Variants in ABLIM3 observed in about 807,000 individuals in gnomAD.
ABLIM3 encodes actin binding LIM protein family member 3.
In ABLIM3, 61 loss-of-function variants were observed where a neutral mutation model predicts 109.5. That is an observed-to-expected ratio of 0.56 (90% CI 0.45 to 0.69). The LOEUF is 0.69. ABLIM3 is among the 30% of genes least tolerant of loss of function. The pLI is 0.00. For missense variants in ABLIM3, 796 were observed against 889.5 expected, an observed-to-expected ratio of 0.89 and a Z score of 1.34; for synonymous variants, 300 against 324.8, an observed-to-expected ratio of 0.92 and a Z score of 0.82.
At chr5:149,244,268 A>C (rs1458001232) in intron 15 of ABLIM3, 1 of 153,178 alleles carries the variant, frequency 6.5e-6, no homozygotes, top group Non-Finnish European at 1.5e-5. Flanking sequence ...CGATTCTGAC[A>C]CTTACAGATG....
At chr5:149,166,525 T>C (rs1185705806) in intron 2 of ABLIM3, among the ~76,000 whole-genome samples, 1 of 152,342 alleles carries the variant, frequency 6.6e-6, no homozygotes, top group South Asian at 2.1e-4. Flanking sequence ...CCCAGTATGT[T>C]AGAGAATTAG....
Position 149,182,775 on chromosome 5 carries a change from T to C in ABLIM3, c.14-677T>C, listed in dbSNP as rs748747367. 2.6e-5 allele frequency among the ~76,000 whole-genome samples: 4 copies of C among 152,212 alleles called. No homozygotes were observed. In the South Asian group the frequency reaches 6.2e-4, roughly 24 times the overall value. On this transcript the variant is annotated intron_variant, in intron 2 of 23. Coordinates refer to ENST00000309868, the MANE Select transcript of ABLIM3 (RefSeq NM_014945.5). ...TGCAGCTCCCAGTGACTTCAACCCT[T>C]TCATAATCTCCACCAGCATTTTTTT...
At chr5:149,233,147 G>A (rs1762024307) in intron 9 of ABLIM3, 82 bp from the exon 10 acceptor site, 2 of 1,170,036 alleles carry the variant, frequency 1.7e-6, no homozygotes, top group Non-Finnish European at 2.6e-6. Flanking sequence ...TGCTAATGTT[G>A]CATTCTTAAC....
chr5:149,206,954 C>CG (rs1759040156), intron 5 of ABLIM3, 54 bp from the exon 6 acceptor site: 2 of 1,578,816 alleles, frequency 1.3e-6, no homozygotes, highest in African/African-American at 1.4e-5. Flanking sequence ...CCTGAGATAG[C>CG]GGGGGTTAAA....
At chr5:149,169,832 G>T (rs370300443) in intron 2 of ABLIM3, among the ~76,000 whole-genome samples, 1 of 152,200 alleles carries the variant, frequency 6.6e-6, no homozygotes, top group East Asian at 1.9e-4. Flanking sequence ...GATACAGGAG[G>T]TGTATCAGCA....
At chr5:149,240,291 A>G (rs1055122283) in intron 13 of ABLIM3, among the ~76,000 whole-genome samples, 2 of 152,106 alleles carry the variant, frequency 1.3e-5, no homozygotes, top group Non-Finnish European at 2.9e-5. Context: ...ATCCACAGTC[A>G]CCCTCAGGTT....
chr5:149,217,677 G>A (rs140216437), intron 8 of ABLIM3: 1,607 of 152,712 alleles, frequency 0.011, 6 homozygotes, highest in Non-Finnish European at 0.017. Flanking sequence ...AGGGCATCAC[G>A]TGCTCTTGGC....
chr5:149,233,784 A>G (rs1428701980), intron 10 of ABLIM3, among the ~76,000 whole-genome samples: 1 of 152,236 alleles, frequency 6.6e-6, no homozygotes, highest in Non-Finnish European at 1.5e-5. Context: ...ATTTGCAAAC[A>G]TAAGGAAGAG....
chr5:149,249,924 C>A, intron 19 of ABLIM3, 80 bp downstream of exon 19: 2 of 1,516,270 alleles, frequency 1.3e-6, no homozygotes, highest in Non-Finnish European at 1.8e-6. Context: ...CTCCATAGTT[C>A]TAATGACCAT....
At position 149,210,715 on chromosome 5, in the gene ABLIM3, T is replaced by A. The variant is rs1473154899; in HGVS notation, c.576-11T>A. 7 of 1,613,244 alleles carry A rather than the reference T, an allele frequency of 4.3e-6. No homozygotes were observed. The highest frequency in any genetic ancestry group is 5.9e-6 in the Non-Finnish European group (7 of 1,179,398). ...CTAACTTCCTCATCCTATGTGAACT[T>A]CTTCTTGCAGGGATGGTGTTCCATA... On this transcript the variant is annotated splice_polypyrimidine_tract_variant and intron_variant, in intron 6 of 23. Coordinates refer to ENST00000309868, the MANE Select transcript of ABLIM3 (RefSeq NM_014945.5).
intron 4 of ABLIM3, among the ~76,000 whole-genome samples, 186 bp from the exon 5 acceptor site, chr5:149,200,130 G>A (rs1758356240): frequency 6.6e-6 from 1 of 152,212 alleles, no homozygotes; most frequent in Admixed American, 6.5e-5. Flanking sequence ...CTGGGCTCCA[G>A]TTCTTGCTGC....
intron 2 of ABLIM3, among the ~76,000 whole-genome samples, chr5:149,160,889 C>T (rs1029267655): frequency 2.0e-5 from 3 of 152,214 alleles, no homozygotes; most frequent in Non-Finnish European, 4.4e-5. Flanking sequence ...CCCTCCTCAT[C>T]CCAGGCCCAG....
Position 149,260,137 on chromosome 5 carries a change from TC to T in ABLIM3, c.*1734del, listed in dbSNP as rs1754778996. The T allele has an allele frequency of 1.3e-5, 2 of 153,102 alleles. No homozygotes were observed. Among genetic ancestry groups the T allele is most frequent in the African/African-American group, 4.8e-5 (2 of 41,442 alleles). The allele number at this position is 153,102 out of a possible 1,614,324, so 9.5% of individuals were successfully genotyped here. On this transcript the variant is annotated 3_prime_UTR_variant, in exon 24 of 24. Coordinates refer to ENST00000309868, the MANE Select transcript of ABLIM3 (RefSeq NM_014945.5). ...GGAAAGCTTTCTGGAAGAGATTGCA[TC>T]TGAGGAAATTCAGGAAGGATCTTTG...
intron 10 of ABLIM3, among the ~76,000 whole-genome samples, chr5:149,234,475 C>A (rs778068415): frequency 6.6e-5 from 10 of 152,200 alleles, no homozygotes; most frequent in Admixed American, 2.6e-4. Flanking sequence ...ATCATTACTT[C>A]AAATCCACAT....
At chr5:149,201,875 G>C (rs544090282) in intron 5 of ABLIM3, among the ~76,000 whole-genome samples, 2 of 152,226 alleles carry the variant, frequency 1.3e-5, no homozygotes, top group Non-Finnish European at 2.9e-5. Flanking sequence ...ACTTCTGCAT[G>C]CTGCAAAGCA....
At chr5:149,208,707 G>A (rs556047236) in intron 6 of ABLIM3, among the ~76,000 whole-genome samples, 26 of 152,284 alleles carry the variant, frequency 1.7e-4, no homozygotes, top group African/African-American at 6.3e-4. Context: ...GACCCACAGG[G>A]ACCTCAACTG....
intron 7 of ABLIM3, among the ~76,000 whole-genome samples, chr5:149,211,913 G>A (rs1181306744): frequency 1.3e-5 from 2 of 150,930 alleles, no homozygotes; most frequent in African/African-American, 4.9e-5. Flanking sequence ...CTCAACACAA[G>A]CACTCATGGT....
chr5:149,185,902 A>G (rs1166515148), intron 3 of ABLIM3, among the ~76,000 whole-genome samples: 1 of 152,250 alleles, frequency 6.6e-6, no homozygotes, highest in Non-Finnish European at 1.5e-5. Flanking sequence ...CTGATAGTTT[A>G]TCTTAAACCT....
chr5:149,238,862 G>A (rs988314766), intron 11 of ABLIM3, among the ~76,000 whole-genome samples: 10 of 151,982 alleles, frequency 6.6e-5, no homozygotes, highest in South Asian at 2.1e-4. Flanking sequence ...CCTGGGCATC[G>A]TCCTCATGAA....
Sources: allele counts gnomAD v4.1 joint callset (sites outside exome capture counted in the v4.1 genomes callset), GRCh38; gene constraint gnomAD v4.1.1; transcripts MANE v1.5; gene names NCBI Gene and HGNC (gene_info 2026-07-23, HGNC 2026-07-21).